CCDC188: variants seen among roughly 807,000 people sequenced by gnomAD.
The protein encoded by CCDC188 is coiled-coil domain-containing protein 188.
CCDC188 carries 37 observed loss-of-function variants against 50.7 expected under a neutral mutation model. The ratio of observed to expected loss-of-function variants is 0.73; its 90% confidence interval spans 0.56 to 0.96. CCDC188 has a LOEUF of 0.96. Among genes scored for constraint, CCDC188 ranks in the 40% least tolerant of loss-of-function variants. The pLI is 0.00. For missense variants in CCDC188, 453 were observed against 512.9 expected (o/e 0.88, Z 1.13); for synonymous variants, 208 against 228.0 (o/e 0.91, Z 0.79).
chr22:20,149,303 C>T, intron 6 of CCDC188, 59 bp from the exon 7 acceptor site: 1 of 1,540,762 alleles, frequency 6.5e-7, no homozygotes, highest in Non-Finnish European at 8.8e-7. Context: ...GCACCCACCC[C>T]CTGGCTCGGT....
intron 3 of CCDC188, 56 bp downstream of exon 3, chr22:20,149,899 C>G: frequency 6.6e-7 from 1 of 1,506,348 alleles, no homozygotes; most frequent in Non-Finnish European, 8.9e-7. Context: ...CTCAGGCCCA[C>G]CTGGAGTGCT....
In CCDC188 at chr22:20,149,310, C is replaced by T. The variant is rs531170896; in HGVS notation, c.915-66G>A. On this transcript the variant is annotated intron_variant, in intron 6 of 8. Transcript: ENST00000439765. Reference sequence around the variant, plus strand: ...CCAGCCTGGCACCCACCCCCTGGCTCGGTGCTGTGGAGGTGGGGGGTCAAG... The same window carrying T: ...CCAGCCTGGCACCCACCCCCTGGCTTGGTGCTGTGGAGGTGGGGGGTCAAG... 420 of 1,541,124 alleles carry T rather than the reference C, an allele frequency of 2.7e-4. 1 individual carries two copies. Among genetic ancestry groups the T allele is most frequent in the Middle Eastern group, 1.9e-3 (11 of 5,874 alleles).
rs1264943670 is a variant in CCDC188 at position 20,148,586 on chromosome 22, T to G, written c.*28A>C. 6.6e-7 allele frequency: 1 copy of G among 1,515,682 alleles called. No individual in the cohort carries two copies. Among genetic ancestry groups the G allele is most frequent in the Non-Finnish European group, 8.8e-7 (1 of 1,132,022 alleles). The allele number at this position is 1,515,682 out of a possible 1,614,324, so 93.9% of individuals were successfully genotyped here. ...CCGGGGCAGTGCTGGTCGCCTGGCC[T>G]CCTTGCTGGGGCCGCTGGGCCTCTG... On this transcript the variant is annotated 3_prime_UTR_variant, in exon 9 of 9. Coordinates refer to ENST00000439765, the MANE Select transcript of CCDC188 (RefSeq NM_001365892.2).
chr22:20,148,821 G>T lies in CCDC188; in HGVS notation c.1023-21C>A. Reference sequence around the variant, plus strand: ...GCAGCCTGCGGGCGGCGGTGGTCAGGGGCAGGGGCGCGCGGGGGGCCTGGG... The same window carrying T: ...GCAGCCTGCGGGCGGCGGTGGTCAGTGGCAGGGGCGCGCGGGGGGCCTGGG... On this transcript the variant is annotated intron_variant, in intron 8 of 8. Transcript: ENST00000439765. 2.0e-6 allele frequency: 3 copies of T among 1,464,200 alleles called. No homozygotes were observed. In the South Asian group the frequency reaches 4.2e-5, roughly 20 times the overall value. 90.7% of individuals were successfully genotyped at this position (1,464,200 alleles called of 1,614,324 possible).
Position 20,150,105 on chromosome 22 carries a change from G to A in CCDC188, c.627+38C>T, listed in dbSNP as rs1299416444. The A allele has an allele frequency of 5.8e-6, 9 of 1,540,120 alleles. 1 individual carries two copies. In the South Asian group the frequency reaches 8.4e-5, roughly 14 times the overall value. ...CAGCCCTAAGACTGCGGGCTAGAGG[G>A]GCGTTGGCTGCATGGGGTCCCTGGG... On this transcript the variant is annotated intron_variant, in intron 2 of 8. Coordinates refer to ENST00000439765, the MANE Select transcript of CCDC188 (RefSeq NM_001365892.2).
rs1391562489 is a variant in CCDC188, at chr22:20,148,917, C to T, written c.980G>A (p.Arg327Lys). The T allele has an allele frequency of 3.3e-6, 5 of 1,513,176 alleles. No individual in the cohort carries two copies. Among genetic ancestry groups the T allele is most frequent in the Non-Finnish European group, 4.4e-6 (5 of 1,128,106 alleles). The allele number at this position is 1,513,176 out of a possible 1,614,324, so 93.7% of individuals were successfully genotyped here. ...GCCCTTGGAGCTTCCCAGCTTTGGC[C>T]TCCCTTTCTGTCGGGGAGGGGCTGG... ...EKQMASMSKG[R>K]PKLGSSKGLA... The change falls in exon 8 of 9, where the codon AGG becomes AAG. Residue 327 changes from arginine (R) to lysine (K), a missense_variant. By Grantham distance (26) the Arg-to-Lys change is conservative. Transcript: ENST00000439765.
At position 20,149,720 on chromosome 22, in the gene CCDC188, G is replaced by T. The variant is rs750732156; in HGVS notation, c.789+4C>A. The T allele has an allele frequency of 3.0e-5, 46 of 1,536,898 alleles. No individual in the cohort carries two copies. Among genetic ancestry groups the T allele is most frequent in the East Asian group, 4.9e-5 (2 of 40,756 alleles). ...GCACCCCTCCCCCTCAGCCAGGCGG[G>T]CACCTCTGTGATGACCATCTTCTTC... is the stretch of plus-strand genomic sequence containing the variant. On this transcript the variant is annotated splice_donor_region_variant and intron_variant, in intron 4 of 8. Transcript: ENST00000439765.
Position 20,148,634 on chromosome 22 carries a change from C to T in CCDC188, c.1189G>A (p.Asp397Asn), listed in dbSNP as rs934102114. 4 of 1,546,350 alleles carry T rather than the reference C, an allele frequency of 2.6e-6. No individual in the cohort carries two copies. The highest frequency in any genetic ancestry group is 4.0e-5 in the Admixed American group (2 of 50,546). The change falls in exon 9 of 9, where the codon GAC (aspartate) becomes AAC (asparagine). Residue 397 changes from aspartate (D) to asparagine (N), a missense_variant. Coordinates refer to ENST00000439765, the MANE Select transcript of CCDC188 (RefSeq NM_001365892.2). ...CTGGCCTAGAAGGGCAGGAAGCCGT[C>T]CACTTTGAGGCGCAGGAAGGGGTCC... is the stretch of plus-strand genomic sequence containing the variant. The part of the protein sequence containing the change: ...LLDPFLRLKV[D>N]GFLPF
At chr22:20,150,339 G>GTGGCGC in intron 1 of CCDC188, 89 bp from the exon 2 acceptor site, 1 of 968,440 alleles carries the variant, frequency 1.0e-6, no homozygotes, top group South Asian at 1.7e-5. Flanking sequence ...CAGGTGGTGG[G>GTGGCGC]TGGGGCTGGG....
Position 20,149,812 on chromosome 22 carries a change from G to C in CCDC188, c.733-32C>G, listed in dbSNP as rs141509682. ...GTGGGGCCCAGGATGGGCTTGGGCA[G>C]CATCAGCAGGGTGGCCAGTACCTCC... On this transcript the variant is annotated intron_variant, in intron 3 of 8. Transcript: ENST00000439765. 4.4e-3 allele frequency: 6,550 copies of C among 1,489,392 alleles called. 11 individuals are homozygous for C. Among genetic ancestry groups the C allele is most frequent in the Non-Finnish European group, 5.6e-3 (6,210 of 1,114,582 alleles). The allele number at this position is 1,489,392 out of a possible 1,614,324, so 92.3% of individuals were successfully genotyped here.
At chr22:20,150,415 C>A (rs2050604017) in intron 1 of CCDC188, 53 bp downstream of exon 1, 1 of 806,576 alleles carries the variant, frequency 1.2e-6, no homozygotes, top group Admixed American at 5.3e-5. Context: ...GCAGGGGTAC[C>A]AGGCGGTGGG....
rs1373011580 is a variant in CCDC188, at chr22:20,150,580, C to G, written c.407G>C (p.Arg136Pro). 5.2e-6 allele frequency: 8 copies of G among 1,546,670 alleles called. No homozygotes were observed. Among genetic ancestry groups the G allele is most frequent in the Non-Finnish European group, 6.1e-6 (7 of 1,144,784 alleles). The change falls in exon 1 of 9, where the codon CGG becomes CCG. Residue 136 changes from arginine (R) to proline (P), a missense_variant. By Grantham distance (103) the Arg-to-Pro change is moderately radical. Transcript: ENST00000439765. The stretch of plus-strand genomic sequence containing the variant: ...GGGCGAGGCCAGGGCCCCTCCCTCC[C>G]GTGACAGGGGTGGGCATGGGCAGGG... ...TRPCPCPPLS[R>P]EGGALASPRV...
At chr22:20,149,325 G>T (rs1339613817) in intron 6 of CCDC188, 81 bp from the exon 7 acceptor site, 1 of 1,543,722 alleles carries the variant, frequency 6.5e-7, no homozygotes, top group Non-Finnish European at 8.8e-7. Context: ...CTGTGGAGGT[G>T]GGGGGTCAAG....
chr22:20,148,996 A>T, intron 7 of CCDC188, 72 bp from the exon 8 acceptor site: 5 of 1,416,950 alleles, frequency 3.5e-6, no homozygotes, highest in Non-Finnish European at 4.7e-6. Flanking sequence ...TGGCTTTGGG[A>T]AACCCTCCTC....
chr22:20,150,392 G>A (rs2050603478), intron 1 of CCDC188, 76 bp downstream of exon 1: 1 of 1,347,206 alleles, frequency 7.4e-7, no homozygotes, highest in South Asian at 1.4e-5. Context: ...TGGTGGGTGG[G>A]GCTGGGGCTG....
In CCDC188 at chr22:20,150,864, G is replaced by C; in HGVS notation, c.123C>G (p.Pro41=). The change falls in exon 1 of 9, where the codon CCC becomes CCG. Residue 41 remains proline (P), a synonymous_variant. Transcript: ENST00000439765. ...GAGCAGAGGAGATGGGGCCCAGGCA[G>C]GGCCACCCTACAAATCCCTGGCAGG... The part of the protein sequence containing the change: ...DQPCQGFVGW[P]CLGPISSAHS... 2.6e-6 allele frequency: 4 copies of C among 1,512,630 alleles called. No individual in the cohort carries two copies. The highest frequency in any genetic ancestry group is 2.7e-6 in the Non-Finnish European group (3 of 1,121,690). 93.7% of individuals were successfully genotyped at this position (1,512,630 alleles called of 1,614,324 possible).
Position 20,148,755 on chromosome 22 carries a change from G to T in CCDC188, c.1068C>A (p.Thr356=), listed in dbSNP as rs543717593. 1.5e-5 allele frequency: 23 copies of T among 1,487,968 alleles called. No individual in the cohort carries two copies. Among genetic ancestry groups the T allele is most frequent in the Non-Finnish European group, 2.1e-5 (23 of 1,112,314 alleles). The allele number at this position is 1,487,968 out of a possible 1,614,324, so 92.2% of individuals were successfully genotyped here. A position where few individuals can be genotyped will look rare whatever the true frequency, so the allele number is the denominator to read the frequency against. ...GGTTCACCACGTACACGTAGGCAGC[G>T]GTCCAGACCAGCAGGGCGCCCAGCA... is the stretch of plus-strand genomic sequence containing the variant. The part of the protein sequence containing the change: ...RLLLGALLVW[T]AAYVYVVNPT... Residue 356 remains threonine, a synonymous_variant, in exon 9 of 9, where the codon ACC becomes ACA. Transcript: ENST00000439765.
rs1460909754 is a variant in CCDC188 at position 20,150,054 on chromosome 22, G to A, written c.633C>T (p.Pro211=). ...CCAAGGGCTGCGTGCCAGCCGGGTC[G>A]GGGGGCTGTGGGAGAGCCCCCAGAT... ...HSSCTALAWP[P]DPAGTQPLGN... The change falls in exon 3 of 9, where the codon CCC becomes CCT. Residue 211 remains proline, a synonymous_variant. Transcript: ENST00000439765. 2.2e-5 allele frequency: 34 copies of A among 1,546,364 alleles called. No individual in the cohort carries two copies. The East Asian group carries it at 2.2e-4, about 10-fold the overall frequency.
At chr22:20,148,843 TG>T (rs1331860190) in intron 8 of CCDC188, 31 bp downstream of exon 8, 5 of 1,453,018 alleles carry the variant, frequency 3.4e-6, no homozygotes, top group South Asian at 1.4e-5. Flanking sequence ...GCGGGGGGCC[TG>T]GGGGCTGGGC....
Sources: gnomAD v4.1 joint callset for allele counts on GRCh38, gnomAD v4.1.1 for gene constraint, MANE v1.5 for transcripts, NCBI Gene and HGNC (gene_info 2026-07-23, HGNC 2026-07-21) for gene names.